DGKB: variants seen among roughly 807,000 people sequenced by gnomAD.
The protein encoded by DGKB is 90 kDa diacylglycerol kinase.
Under a neutral mutation model 114.3 loss-of-function variants are expected in DGKB, and 67 were observed. That is an observed-to-expected ratio of 0.59 (90% CI 0.48 to 0.72). DGKB has a LOEUF of 0.72. Among genes scored for constraint, DGKB ranks in the 30% least tolerant of loss-of-function variants. The pLI is 0.00. For synonymous variants in DGKB, 398 were observed against 323.1 expected (o/e 1.23, Z -2.49); for missense variants, 907 against 975.2 (o/e 0.93, Z 0.93).
At chr7:14,443,495 T>G (rs949592010) in intron 21 of DGKB, among the ~76,000 whole-genome samples, 3 of 152,162 alleles carry the variant, frequency 2.0e-5, no homozygotes, top group African/African-American at 7.2e-5. Context: ...CTATTTGGCC[T>G]CCAAATGATA....
rs1178219163 is a variant in DGKB, at chr7:14,621,422, T to C, written c.1240A>G (p.Met414Val). ...ACAGTAACAGAGTTGGCTCTTTGCATTTTATTCTTGTCAATCACTTTGTTT... is the reference window on the plus strand; with the variant it reads ...ACAGTAACAGAGTTGGCTCTTTGCACTTTATTCTTGTCAATCACTTTGTTT... ...QPNKVIDKNK[M>V]QRANSVTVDG... Residue 414 changes from methionine to valine, a missense_variant, in exon 15 of 26, where the codon ATG becomes GTG. By Grantham distance (21) the Met-to-Val change is conservative (BLOSUM62 1). Coordinates refer to ENST00000402815, the MANE Select transcript of DGKB (RefSeq NM_001350709.2). 1.9e-6 allele frequency: 3 copies of C among 1,611,310 alleles called. No individual in the cohort carries two copies. The Admixed American group carries it at 5.0e-5, about 27-fold the overall frequency.
chr7:14,710,194 T>C (rs1827120415), intron 6 of DGKB, among the ~76,000 whole-genome samples: 1 of 152,110 alleles, frequency 6.6e-6, no homozygotes, highest in African/African-American at 2.4e-5. Flanking sequence ...TTTCTCTCAA[T>C]AATATTTCAT....
At chr7:14,708,918 G>A (rs1193206056) in intron 6 of DGKB, among the ~76,000 whole-genome samples, 2 of 151,320 alleles carry the variant, frequency 1.3e-5, no homozygotes, top group Non-Finnish European at 2.9e-5. Context: ...AGGACTTCAT[G>A]TCCAAAACAC....
intron 21 of DGKB, among the ~76,000 whole-genome samples, chr7:14,473,670 G>A (rs577929839): frequency 6.6e-6 from 1 of 152,164 alleles, no homozygotes; most frequent in Non-Finnish European, 1.5e-5. Context: ...AGCCAGGATG[G>A]GGGACTATAC....
chr7:14,844,729 CCAA>C (rs879265487), intron 1 of DGKB, among the ~76,000 whole-genome samples: 32 of 152,268 alleles, frequency 2.1e-4, no homozygotes, highest in African/African-American at 4.1e-4. Context: ...TGACAAATTA[CCAA>C]CAACAAGTTA....
At chr7:14,919,881 T>C (rs1192052776) in intron 1 of DGKB, among the ~76,000 whole-genome samples, 5 of 152,064 alleles carry the variant, frequency 3.3e-5, no homozygotes, top group Non-Finnish European at 5.9e-5. Context: ...TGACATGCTT[T>C]CTCCTCCTGC....
At chr7:14,894,048 T>C (rs959476330) in intron 1 of DGKB, among the ~76,000 whole-genome samples, 1 of 151,234 alleles carries the variant, frequency 6.6e-6, no homozygotes, top group South Asian at 2.1e-4. Flanking sequence ...CTTCCTAAAA[T>C]GTGCTCCAGG....
intron 20 of DGKB, among the ~76,000 whole-genome samples, chr7:14,566,922 T>A (rs1797469648): frequency 6.6e-6 from 1 of 151,328 alleles, no homozygotes; most frequent in South Asian, 2.1e-4. Context: ...AGATCTACGG[T>A]TGATGTCCTT....
chr7:14,319,540 T>G (rs1316287038), intron 23 of DGKB, among the ~76,000 whole-genome samples: 2 of 152,196 alleles, frequency 1.3e-5, no homozygotes, highest in East Asian at 3.8e-4. Flanking sequence ...TAACAATAGA[T>G]GTACCTCACA....
intron 23 of DGKB, among the ~76,000 whole-genome samples, chr7:14,302,604 C>T (rs977187616): frequency 6.6e-6 from 1 of 152,044 alleles, no homozygotes; most frequent in African/African-American, 2.4e-5. Context: ...AGTCTTTGGA[C>T]TTGAACTTTC....
intron 21 of DGKB, among the ~76,000 whole-genome samples, chr7:14,394,031 T>C (rs1207916355): frequency 6.6e-6 from 1 of 152,200 alleles, no homozygotes; most frequent in African/African-American, 2.4e-5. Context: ...CTTTTTATCT[T>C]AAATAGCACA....
At chr7:14,936,438 C>T (rs886717529) in intron 1 of DGKB, among the ~76,000 whole-genome samples, 2 of 152,124 alleles carry the variant, frequency 1.3e-5, no homozygotes, top group African/African-American at 4.8e-5. Context: ...GGCTTGGAAC[C>T]TTCTGAAGGG....
intron 23 of DGKB, among the ~76,000 whole-genome samples, chr7:14,279,726 G>C (rs10231593): frequency 0.76 from 114,920 of 151,426 alleles, 44,653 homozygotes; most frequent in South Asian, 0.86. Flanking sequence ...GCCTAACTGG[G>C]AGGCACCCTC....
intron 1 of DGKB, among the ~76,000 whole-genome samples, chr7:14,842,012 C>T (rs1225959848): frequency 1.3e-5 from 2 of 152,126 alleles, no homozygotes; most frequent in Admixed American, 1.3e-4. Flanking sequence ...GTGAATCACG[C>T]TTTAAAATAA....
At chr7:14,186,938 T>G (rs959037641) in intron 23 of DGKB, among the ~76,000 whole-genome samples, 1 of 151,994 alleles carries the variant, frequency 6.6e-6, no homozygotes, top group African/African-American at 2.4e-5. Flanking sequence ...AGGTGATGGG[T>G]GCACCAAAAT....
chr7:14,871,605 AGACT>A (rs1387753226), intron 1 of DGKB, among the ~76,000 whole-genome samples: 2 of 152,204 alleles, frequency 1.3e-5, no homozygotes, highest in East Asian at 3.8e-4. Context: ...CCTGGAATTT[AGACT>A]GACTGAGAAG....
intron 14 of DGKB, 86 bp downstream of exon 14, chr7:14,630,150 A>G: frequency 3.7e-6 from 3 of 806,564 alleles, no homozygotes; most frequent in South Asian, 2.2e-5. Context: ...AATGTCACTG[A>G]GCCAGCACAA....
chr7:14,653,369 A>T (rs2128905472), intron 13 of DGKB, among the ~76,000 whole-genome samples: 1 of 152,240 alleles, frequency 6.6e-6, no homozygotes, highest in African/African-American at 2.4e-5. Flanking sequence ...CATGGATGAA[A>T]TTGGAAATCA....
chr7:14,569,089 T>G (rs755653618), intron 20 of DGKB, among the ~76,000 whole-genome samples: 16 of 152,294 alleles, frequency 1.1e-4, no homozygotes, highest in Non-Finnish European at 1.9e-4. Flanking sequence ...GATTCATTGA[T>G]TGAGGAAGAG....
Sources: gnomAD v4.1 joint callset for allele counts (sites outside exome capture counted in the v4.1 genomes callset) on GRCh38, gnomAD v4.1.1 for gene constraint, MANE v1.5 for transcripts, NCBI Gene and HGNC (gene_info 2026-07-23, HGNC 2026-07-21) for gene names.